Variants in ZNRF2 observed in about 807,000 individuals in gnomAD.
ZNRF2 encodes E3 ubiquitin-protein ligase ZNRF2.
In ZNRF2, 16 loss-of-function variants were observed where a neutral mutation model predicts 20.4. The observed-to-expected ratio is 0.79, with a 90% confidence interval of 0.53 to 1.19. ZNRF2 has a LOEUF of 1.19. Among genes scored for constraint, ZNRF2 ranks in the 50% most tolerant of loss-of-function variants. The pLI, the probability that ZNRF2 is intolerant of heterozygous loss-of-function variation, is 0.00. For missense variants in ZNRF2, 363 were observed against 332.4 expected, an observed-to-expected ratio of 1.09 and a Z score of -0.72; for synonymous variants, 178 against 144.9, an observed-to-expected ratio of 1.23 and a Z score of -1.64.
At position 30,285,416 on chromosome 7, in the gene ZNRF2, G is replaced by T; in HGVS notation, c.59G>T (p.Gly20Val). ...AACGGCCGCACGCGCGCGTACTCGG[G>T]CTCGGATCTACCTTCCAGTAGCAGC... ...AANGRTRAYS[G>V]SDLPSSSSGG... Residue 20 changes from glycine (G) to valine (V), a missense_variant, in exon 1 of 5, where the codon GGC becomes GTC. Gly to Val is a moderately radical substitution (Grantham distance 109). This residue lies in a region of ZNRF2 where 302 missense variants were observed against 231.5 expected (regional missense o/e 1.30). Coordinates refer to ENST00000323037, the MANE Select transcript of ZNRF2 (RefSeq NM_147128.4). 5 of 1,251,326 alleles carry T rather than the reference G, an allele frequency of 4.0e-6. No homozygotes were observed. Among genetic ancestry groups the T allele is most frequent in the Non-Finnish European group, 5.1e-6 (5 of 982,400 alleles). 77.5% of individuals were successfully genotyped at this position (1,251,326 alleles called of 1,614,324 possible).
At chr7:30,308,147 T>C (rs1030897514) in intron 1 of ZNRF2, among the ~76,000 whole-genome samples, 2 of 152,198 alleles carry the variant, frequency 1.3e-5, no homozygotes, top group Admixed American at 6.6e-5. Flanking sequence ...GTAAAGAATA[T>C]GTTTAATTTT....
At chr7:30,289,441 G>A (rs1401076857) in intron 1 of ZNRF2, among the ~76,000 whole-genome samples, 1 of 152,122 alleles carries the variant, frequency 6.6e-6, no homozygotes, top group Non-Finnish European at 1.5e-5. Flanking sequence ...GTTTGAATTT[G>A]GGATATTGTA....
At chr7:30,305,202 A>AT (rs1799180442) in intron 1 of ZNRF2, among the ~76,000 whole-genome samples, 1 of 152,068 alleles carries the variant, frequency 6.6e-6, no homozygotes, top group Non-Finnish European at 1.5e-5. Flanking sequence ...ACAAATCAGG[A>AT]TTTTTTTCCC....
chr7:30,332,244 G>A (rs1187976910), intron 2 of ZNRF2, among the ~76,000 whole-genome samples: 4 of 152,072 alleles, frequency 2.6e-5, no homozygotes, highest in Non-Finnish European at 5.9e-5. Context: ...GAGAAATCAC[G>A]CATAGTTCTT....
At chr7:30,360,368 T>C (rs1165931696) in intron 3 of ZNRF2, among the ~76,000 whole-genome samples, 3 of 152,200 alleles carry the variant, frequency 2.0e-5, no homozygotes, top group African/African-American at 7.2e-5. Context: ...GTAAATTGTT[T>C]ATATTTATAT....
chr7:30,295,923 G>C (rs1799013259), intron 1 of ZNRF2, among the ~76,000 whole-genome samples: 1 of 152,106 alleles, frequency 6.6e-6, no homozygotes, highest in African/African-American at 2.4e-5. Flanking sequence ...CAACTGCTCA[G>C]ATTTTGCAAA....
chr7:30,314,619 T>A (rs78902388), intron 1 of ZNRF2, among the ~76,000 whole-genome samples: 3,975 of 152,136 alleles, frequency 0.026, 203 homozygotes, highest in African/African-American at 0.09. Context: ...CTCTGCAGTG[T>A]TATTTTTAAG....
chr7:30,356,671 T>C (rs926797797), intron 3 of ZNRF2, among the ~76,000 whole-genome samples: 10 of 150,484 alleles, frequency 6.6e-5, no homozygotes, highest in Non-Finnish European at 1.5e-4. Context: ...AGAATTCCTA[T>C]AGAATGACAA....
intron 3 of ZNRF2, among the ~76,000 whole-genome samples, chr7:30,358,768 A>C (rs1187864419): frequency 6.6e-6 from 1 of 152,224 alleles, no homozygotes; most frequent in Admixed American, 6.5e-5. Flanking sequence ...GCATAGCATG[A>C]GAGTTAAGAG....
At chr7:30,351,152 G>T (rs1799956744) in intron 2 of ZNRF2, among the ~76,000 whole-genome samples, 1 of 150,610 alleles carries the variant, frequency 6.6e-6, no homozygotes, top group Non-Finnish European at 1.5e-5. Context: ...TAATTTCTTT[G>T]GACAATGCAA....
Position 30,366,021 on chromosome 7 carries a change from C to G in ZNRF2, c.*23-14C>G, listed in dbSNP as rs773248907. 2 of 152,190 alleles carry G rather than the reference C, an allele frequency of 1.3e-5. No homozygotes were observed. The highest frequency in any genetic ancestry group is 2.4e-5 in the African/African-American group (1 of 41,434). The allele number at this position is 152,190 out of a possible 1,614,324, so 9.4% of individuals were successfully genotyped here. ...ACTAAAGCAATGTTCATGGGGAAAT[C>G]TATTTTTACACAGGTTTTCTTGTCT... On this transcript the variant is annotated splice_polypyrimidine_tract_variant and intron_variant, in intron 4 of 4. Coordinates refer to ENST00000323037, the MANE Select transcript of ZNRF2 (RefSeq NM_147128.4).
intron 1 of ZNRF2, among the ~76,000 whole-genome samples, chr7:30,290,899 G>A (rs559420288): frequency 3.3e-5 from 5 of 152,312 alleles, no homozygotes; most frequent in Non-Finnish European, 7.4e-5. Flanking sequence ...TAGATACTGA[G>A]GGTACAAATA....
At chr7:30,314,816 T>G (rs1799343766) in intron 1 of ZNRF2, among the ~76,000 whole-genome samples, 1 of 151,402 alleles carries the variant, frequency 6.6e-6, no homozygotes, top group Admixed American at 6.6e-5. Flanking sequence ...TATATATGTA[T>G]GTATGTATTT....
intron 1 of ZNRF2, among the ~76,000 whole-genome samples, chr7:30,320,241 C>G (rs1799448177): frequency 6.6e-6 from 1 of 150,596 alleles, no homozygotes; most frequent in African/African-American, 2.4e-5. Context: ...TCTATATATA[C>G]ATAGAGAAAT....
intron 1 of ZNRF2, among the ~76,000 whole-genome samples, chr7:30,299,857 A>T (rs1319725063): frequency 7.2e-6 from 1 of 139,646 alleles, no homozygotes. Flanking sequence ...TCGGCTCACT[A>T]CGAGCTCTGC....
chr7:30,344,064 C>CG (rs1255146106), intron 2 of ZNRF2, among the ~76,000 whole-genome samples: 1 of 151,518 alleles, frequency 6.6e-6, no homozygotes, highest in African/African-American at 2.4e-5. Context: ...GGATTACAGG[C>CG]GCCTGCCATC....
In ZNRF2 at chr7:30,363,979, G is replaced by A. The variant is rs529642776; in HGVS notation, c.*22+1523G>A. 4.8e-4 allele frequency among the ~76,000 whole-genome samples: 73 copies of A among 152,332 alleles called. 1 individual carries two copies. Among genetic ancestry groups the A allele is most frequent in the African/African-American group, 1.5e-3 (64 of 41,580 alleles). ...TCTCTTTGTTCAGGGACTCAAGACA[G>A]TAACAGCCGGCTTTTCTAGGAGGCT... On this transcript the variant is annotated intron_variant, in intron 4 of 4. Transcript: ENST00000323037.
intron 1 of ZNRF2, among the ~76,000 whole-genome samples, chr7:30,298,732 GT>G (rs1335357324): frequency 1.3e-5 from 2 of 152,154 alleles, no homozygotes; most frequent in Non-Finnish European, 2.9e-5. Context: ...CAGGGTTGGG[GT>G]TGCTTAGCTG....
intron 3 of ZNRF2, among the ~76,000 whole-genome samples, chr7:30,361,784 G>A (rs1257943175): frequency 6.6e-6 from 1 of 152,068 alleles, no homozygotes; most frequent in Non-Finnish European, 1.5e-5. Flanking sequence ...GTTGGACAGT[G>A]CAGATCCACA....
Sources: gnomAD v4.1 joint callset for allele counts (sites outside exome capture counted in the v4.1 genomes callset) on GRCh38, gnomAD v4.1.1 for gene constraint, gnomAD v4.1.1 regional missense constraint, MANE v1.5 for transcripts, NCBI Gene and HGNC (gene_info 2026-07-23, HGNC 2026-07-21) for gene names.